TTC3: variants seen among roughly 807,000 people sequenced by gnomAD.
TTC3 encodes tetratricopeptide repeat domain 3, also known as E3 ubiquitin-protein ligase TTC3.
A neutral mutation model predicts 249.6 loss-of-function variants in TTC3; 180 were observed. The observed-to-expected ratio is 0.72, with a 90% CI of 0.64 to 0.82. The LOEUF is 0.82. Among genes scored for constraint, TTC3 ranks in the 40% least tolerant of loss-of-function variants. The probability of loss-of-function intolerance (pLI) is 0.00; values close to 1 mark genes in which losing one functional copy is unlikely to be tolerated. For synonymous variants in TTC3, 717 were observed against 805.0 expected, an observed-to-expected ratio of 0.89 and a Z score of 1.85; for missense variants, 2,061 against 2,398.4, an observed-to-expected ratio of 0.86 and a Z score of 2.94.
intron 10 of TTC3, among the ~76,000 whole-genome samples, chr21:37,105,447 G>A (rs1053126039): frequency 2.0e-5 from 3 of 152,194 alleles, no homozygotes; most frequent in Non-Finnish European, 4.4e-5. Context: ...TGTCCCCTCA[G>A]AATGTAGGAT....
At chr21:37,111,544 T>C (rs2075662768) in intron 11 of TTC3, among the ~76,000 whole-genome samples, 1 of 152,192 alleles carries the variant, frequency 6.6e-6, no homozygotes, top group Non-Finnish European at 1.5e-5. Context: ...CCCAGATTCA[T>C]ACAGCAAGTC....
chr21:37,192,527 T>C (rs1413559700), intron 41 of TTC3, among the ~76,000 whole-genome samples: 1 of 45,546 alleles, frequency 2.2e-5, no homozygotes, highest in Non-Finnish European at 4.1e-5. Context: ...GTGTGTGTTG[T>C]ATATGTATTC....
At chr21:37,145,526 G>T (rs1222827716) in intron 21 of TTC3, among the ~76,000 whole-genome samples, 1 of 152,224 alleles carries the variant, frequency 6.6e-6, no homozygotes, top group East Asian at 1.9e-4. Context: ...ACTGCTGGTG[G>T]TAATGTATAA....
intron 1 of TTC3, among the ~76,000 whole-genome samples, chr21:37,074,403 C>G (rs1194585044): frequency 6.6e-6 from 1 of 152,220 alleles, no homozygotes; most frequent in Admixed American, 6.5e-5. Flanking sequence ...CGTGCCTTTT[C>G]CAGTGGCGCC....
chr21:37,135,626 A>T, intron 18 of TTC3, 112 bp downstream of exon 18: 1 of 1,299,806 alleles, frequency 7.7e-7, no homozygotes, highest in Non-Finnish European at 1.0e-6. Context: ...CCTTGCTGAG[A>T]TTGGCTGAAT....
chr21:37,170,693 A>G (rs1449421274), intron 34 of TTC3, among the ~76,000 whole-genome samples: 1 of 152,114 alleles, frequency 6.6e-6, no homozygotes, highest in African/African-American at 2.4e-5. Flanking sequence ...TTAAGTAGGA[A>G]GAAGGTCAGA....
At chr21:37,118,454 G>T (rs2076333114) in intron 11 of TTC3, among the ~76,000 whole-genome samples, 1 of 152,140 alleles carries the variant, frequency 6.6e-6, no homozygotes, top group Admixed American at 6.5e-5. Context: ...AGATATGTTT[G>T]TGCAGGTCTG....
chr21:37,133,616 G>GCAT (rs1396112615), intron 17 of TTC3, among the ~76,000 whole-genome samples: 1 of 152,150 alleles, frequency 6.6e-6, no homozygotes, highest in Non-Finnish European at 1.5e-5. Flanking sequence ...TCCATATGCT[G>GCAT]GGGAGTGAGA....
At chr21:37,105,723 T>G (rs2075015414) in intron 10 of TTC3, among the ~76,000 whole-genome samples, 1 of 152,204 alleles carries the variant, frequency 6.6e-6, no homozygotes, top group East Asian at 1.9e-4. Flanking sequence ...TTTTGCCTAT[T>G]TTAGTACAAT....
exon 46 of TTC3, chr21:37,201,513 C>T (rs1324418880): frequency 6.2e-7 from 1 of 1,613,908 alleles, no homozygotes; most frequent in African/African-American, 1.3e-5. Context: ...ACAGAAGAGT[C>T]ACCTTCTGGA....
chr21:37,192,334 G>T, intron 41 of TTC3, 121 bp downstream of exon 41: 1 of 613,912 alleles, frequency 1.6e-6, no homozygotes, highest in Admixed American at 3.4e-5. Flanking sequence ...TTGCCTTAAT[G>T]TTTCATTATT....
At chr21:37,090,659 T>A (rs3787783) in intron 6 of TTC3, 195,616 of 399,294 alleles carry the variant, frequency 0.49, 49,008 homozygotes, top group Non-Finnish European at 0.52. Context: ...TTTTTAATGA[T>A]ACTGATGCCA....
intron 28 of TTC3, among the ~76,000 whole-genome samples, chr21:37,158,423 A>G (rs2080334071): frequency 6.6e-6 from 1 of 152,216 alleles, no homozygotes; most frequent in Non-Finnish European, 1.5e-5. Flanking sequence ...ATCCCAATGG[A>G]TTCTCAAGTG....
At chr21:37,143,885 C>T (rs2078730497) in intron 20 of TTC3, among the ~76,000 whole-genome samples, 2 of 117,824 alleles carry the variant, frequency 1.7e-5, no homozygotes, top group Non-Finnish European at 3.5e-5. Flanking sequence ...AAATGTGGCA[C>T]ATATACACCA....
chr21:37,143,142 C>T (rs1179643308), intron 20 of TTC3, among the ~76,000 whole-genome samples: 4 of 152,100 alleles, frequency 2.6e-5, no homozygotes, highest in Non-Finnish European at 5.9e-5. Flanking sequence ...CCATAAAAAC[C>T]CTAGAAGAAA....
intron 18 of TTC3, among the ~76,000 whole-genome samples, chr21:37,137,782 A>T (rs1195515580): frequency 1.3e-5 from 2 of 152,222 alleles, no homozygotes; most frequent in East Asian, 3.9e-4. Flanking sequence ...AGAGTCAATC[A>T]GTATGACAGA....
intron 18 of TTC3, among the ~76,000 whole-genome samples, chr21:37,137,491 A>T (rs1033940658): frequency 2.0e-5 from 3 of 152,190 alleles, no homozygotes; most frequent in African/African-American, 7.2e-5. Context: ...CAAGCAAGAG[A>T]ATTAGAAGTG....
At chr21:37,157,043 T>A in intron 28 of TTC3, 137 bp downstream of exon 28, 5 of 1,363,972 alleles carry the variant, frequency 3.7e-6, no homozygotes, top group Non-Finnish European at 5.0e-6. Flanking sequence ...TGTGGGGAAG[T>A]TAGTGATTAA....
At chr21:37,183,957 A>G (rs1286794481) in intron 36 of TTC3, among the ~76,000 whole-genome samples, 1 of 152,144 alleles carries the variant, frequency 6.6e-6, no homozygotes, top group East Asian at 1.9e-4. Flanking sequence ...CTCACCTTTC[A>G]AGGGCTTTTG....
Sources: allele counts gnomAD v4.1 joint callset (sites outside exome capture counted in the v4.1 genomes callset), GRCh38; gene constraint gnomAD v4.1.1; transcripts MANE v1.5; gene names NCBI Gene and HGNC (gene_info 2026-07-23, HGNC 2026-07-21).